The following ITPKC variants were observed in gnomAD, a reference collection of about 807,000 sequenced individuals.
ITPKC encodes inositol-trisphosphate 3-kinase C.
Under a neutral mutation model 67.1 loss-of-function variants are expected in ITPKC, and 33 were observed. That is an observed-to-expected ratio of 0.49 (90% confidence interval 0.37 to 0.66). The LOEUF is 0.66. Among genes scored for constraint, ITPKC ranks in the 30% least tolerant of loss-of-function variants. The pLI, the probability that ITPKC is intolerant of heterozygous loss-of-function variation, is 0.00. For synonymous variants in ITPKC, 341 were observed against 359.8 expected (o/e 0.95, Z 0.59); for missense variants, 820 against 892.1 (o/e 0.92, Z 1.03).
Position 40,729,315 on chromosome 19 carries a change from T to C in ITPKC, c.1369T>C (p.Tyr457His), listed in dbSNP as rs750442375. 5.0e-6 allele frequency: 8 copies of C among 1,614,078 alleles called. No individual in the cohort carries two copies. The highest frequency in any genetic ancestry group is 3.3e-5 in the Admixed American group (2 of 60,006). The change falls in exon 3 of 7, where the codon TAT becomes CAT. Residue 457 changes from tyrosine (Y) to histidine (H), a missense_variant. Physicochemically the swap from Tyr to His is moderately conservative, Grantham distance 83. Around this residue, in one of 2 missense-constraint regions of ITPKC, gnomAD observed 339 missense variants for 422.0 expected, o/e 0.80. Transcript: ENST00000263370. ...GCTGCGACCTTTCGTGCCTGCCTAC[T>C]ATGGCATGGTGCTGCAGGATGGCCA... ...DPLRPFVPAY[Y>H]GMVLQDGQTF... is the part of the protein sequence containing the mutation.
intron 1 of ITPKC, among the ~76,000 whole-genome samples, chr19:40,722,733 A>G (rs1316878885): frequency 6.6e-6 from 1 of 152,190 alleles, no homozygotes; most frequent in Non-Finnish European, 1.5e-5. Context: ...TCGGCATGAT[A>G]CAACGAAAAC....
At chr19:40,731,737 G>T (rs954280422) in intron 3 of ITPKC, among the ~76,000 whole-genome samples, 1 of 151,322 alleles carries the variant, frequency 6.6e-6, no homozygotes, top group African/African-American at 2.4e-5. Context: ...CTAATCCTTG[G>T]GTTTTTATGG....
At chr19:40,730,554 C>T (rs113434779) in intron 3 of ITPKC, among the ~76,000 whole-genome samples, 2,282 of 152,196 alleles carry the variant, frequency 0.015, 28 homozygotes, top group Middle Eastern at 0.027. Context: ...ACCTTAGCCT[C>T]CAGAGTAGCT....
intron 1 of ITPKC, among the ~76,000 whole-genome samples, chr19:40,719,108 A>C (rs1211130857): frequency 6.6e-6 from 1 of 152,148 alleles, no homozygotes; most frequent in Admixed American, 6.5e-5. Flanking sequence ...TCCGGAGTCC[A>C]TCAGCTTGCC....
At chr19:40,725,468 G>C (rs772542920) in intron 2 of ITPKC, 29 bp downstream of exon 2, 2 of 1,439,478 alleles carry the variant, frequency 1.4e-6, no homozygotes, top group Non-Finnish European at 2.0e-6. Context: ...GACAGAGCTG[G>C]GCAGAGTCTC....
In ITPKC at chr19:40,739,367, G is replaced by A. The variant is rs2082312394; in HGVS notation, c.1859G>A (p.Ser620Asn). ...TCTCTACCCCGGCAGGTGGTAGGCAGCTCCCTCCTCTTCGTGCACGACCAC... is the reference window on the plus strand; with the variant it reads ...TCTCTACCCCGGCAGGTGGTAGGCAACTCCCTCCTCTTCGTGCACGACCAC... ...PFFKTHEVVGSSLLFVHDHTG... is the reference protein window; with the variant it reads ...PFFKTHEVVGNSLLFVHDHTG... Residue 620 changes from serine (S) to asparagine (N), a missense_variant, in exon 7 of 7, where the codon AGC (serine) becomes AAC (asparagine). Ser to Asn is a conservative substitution (Grantham distance 46, BLOSUM62 1). This residue lies in a region of ITPKC where 339 missense variants were observed against 422.0 expected (regional missense o/e 0.80). Transcript: ENST00000263370. 3 of 1,613,592 alleles carry A rather than the reference G, an allele frequency of 1.9e-6. No homozygotes were observed. The highest frequency in any genetic ancestry group is 2.5e-6 in the Non-Finnish European group (3 of 1,179,936).
intron 3 of ITPKC, among the ~76,000 whole-genome samples, chr19:40,731,630 T>G (rs1599653399): frequency 1.0e-5 from 1 of 96,422 alleles, no homozygotes; most frequent in Admixed American, 1.4e-4. Flanking sequence ...TGAGAGGGAG[T>G]CTTGCTCTGT....
intron 1 of ITPKC, among the ~76,000 whole-genome samples, chr19:40,719,177 C>T (rs2082209214): frequency 6.6e-6 from 1 of 152,138 alleles, no homozygotes; most frequent in Non-Finnish European, 1.5e-5. Flanking sequence ...CTGCCCTGAG[C>T]CCCGCTTCAC....
At chr19:40,731,349 T>C (rs1207928169) in intron 3 of ITPKC, among the ~76,000 whole-genome samples, 1 of 152,208 alleles carries the variant, frequency 6.6e-6, no homozygotes, top group African/African-American at 2.4e-5. Context: ...TAATTGATAC[T>C]TGATGACCTG....
rs34784813 is a variant in ITPKC at position 40,725,375 on chromosome 19, G to A, written c.1191G>A (p.Lys397=). 8.5e-5 allele frequency: 137 copies of A among 1,614,076 alleles called. No individual in the cohort carries two copies. The African/African-American group carries it at 1.7e-3, about 21-fold the overall frequency. Residue 397 remains lysine (K), a synonymous_variant, in exon 2 of 7, where the codon AAG becomes AAA. Transcript: ENST00000263370. ...GGAAGAAGCTGAAGACAGTTCTGAA[G>A]TATTCACCCTTTGTGGTCTCCTTCC... is the stretch of plus-strand genomic sequence containing the variant. ...KPWKKLKTVL[K]YSPFVVSFRK...
At chr19:40,730,950 G>A (rs984333696) in intron 3 of ITPKC, among the ~76,000 whole-genome samples, 1 of 152,106 alleles carries the variant, frequency 6.6e-6, no homozygotes, top group African/African-American at 2.4e-5. Flanking sequence ...CCCACAGGTT[G>A]GGGACTCAGT....
rs1217068226 is a variant in ITPKC at position 40,737,749 on chromosome 19, C to T, written c.1828C>T (p.Pro610Ser). 2 of 1,613,962 alleles carry T rather than the reference C, an allele frequency of 1.2e-6. No homozygotes were observed. Among genetic ancestry groups the T allele is most frequent in the African/African-American group, 1.3e-5 (1 of 74,904 alleles). The change falls in exon 6 of 7, where the codon CCC (proline) becomes TCC (serine). Residue 610 changes from proline (P) to serine (S), a missense_variant. Coordinates refer to ENST00000263370, the MANE Select transcript of ITPKC (RefSeq NM_025194.3). ...EELREALEIS[P>S]FFKTHEVVGS... is the part of the protein sequence containing the mutation. The stretch of plus-strand genomic sequence containing the variant: ...ACTTCGTGAAGCTCTGGAGATCTCC[C>T]CCTTCTTCAAGACCCACGAGGTGCG...
At chr19:40,725,134 C>T (rs756420638) in intron 1 of ITPKC, among the ~76,000 whole-genome samples, 3 of 152,034 alleles carry the variant, frequency 2.0e-5, no homozygotes, top group Non-Finnish European at 4.4e-5. Flanking sequence ...AGAATTTCCC[C>T]TATCTTGCTG....
intron 2 of ITPKC, among the ~76,000 whole-genome samples, chr19:40,728,217 A>T (rs1044377957): frequency 1.4e-5 from 2 of 145,876 alleles, no homozygotes; most frequent in Non-Finnish European, 3.0e-5. Flanking sequence ...GACATTACAC[A>T]TTTTTTTTTT....
At chr19:40,730,081 C>T (rs1026988955) in intron 3 of ITPKC, among the ~76,000 whole-genome samples, 1 of 152,116 alleles carries the variant, frequency 6.6e-6, no homozygotes, top group Admixed American at 6.5e-5. Context: ...GGATTACAAG[C>T]GCCCGCCACC....
intron 3 of ITPKC, 146 bp downstream of exon 3, chr19:40,729,561 T>C: frequency 1.4e-6 from 1 of 699,432 alleles, no homozygotes; most frequent in Non-Finnish European, 2.4e-6. Context: ...AGGTTGGGAG[T>C]TCCAAACCAG....
chr19:40,732,542 A>G (rs1317937297), intron 3 of ITPKC, among the ~76,000 whole-genome samples: 1 of 146,824 alleles, frequency 6.8e-6, no homozygotes, highest in Non-Finnish European at 1.5e-5. Flanking sequence ...AAAAAAAAAA[A>G]AAAAAGATTG....
At chr19:40,718,910 A>G (rs2082207585) in intron 1 of ITPKC, among the ~76,000 whole-genome samples, 2 of 152,090 alleles carry the variant, frequency 1.3e-5, no homozygotes, top group Admixed American at 6.5e-5. Flanking sequence ...TGACCCCTAC[A>G]TCCCCAAGGA....
chr19:40,738,713 C>T (rs537315736), intron 6 of ITPKC, among the ~76,000 whole-genome samples: 8 of 152,326 alleles, frequency 5.3e-5, no homozygotes, highest in Non-Finnish European at 1.0e-4. Context: ...GTACCAAGCA[C>T]TGTCTTAAGC....
Sources: allele counts gnomAD v4.1 joint callset (sites outside exome capture counted in the v4.1 genomes callset), GRCh38; gene constraint gnomAD v4.1.1; regional missense constraint gnomAD v4.1.1; transcripts MANE v1.5; gene names NCBI Gene and HGNC (gene_info 2026-07-23, HGNC 2026-07-21).